Variants in TYW1 observed in about 807,000 individuals in gnomAD.
TYW1 encodes tRNA-yW synthesizing protein 1 homolog.
In TYW1, 46 loss-of-function variants were observed where a neutral mutation model predicts 96.2. The ratio of observed to expected loss-of-function variants is 0.48; its 90% CI spans 0.38 to 0.61. The LOEUF is 0.61. Among genes scored for constraint, TYW1 ranks in the 20% least tolerant of loss-of-function variants. TYW1 has a pLI of 0.00. For missense variants in TYW1, 684 were observed against 909.6 expected, an observed-to-expected ratio of 0.75 and a Z score of 3.19; for synonymous variants, 274 against 323.0, an observed-to-expected ratio of 0.85 and a Z score of 1.63.
intron 13 of TYW1, among the ~76,000 whole-genome samples, chr7:67,165,590 C>T (rs1799293895): frequency 6.6e-6 from 1 of 152,060 alleles, no homozygotes; most frequent in African/African-American, 2.4e-5. Context: ...TAATAACAGA[C>T]ATAATATCAT....
intron 13 of TYW1, among the ~76,000 whole-genome samples, chr7:67,160,171 C>T (rs1031892309): frequency 5.9e-5 from 9 of 152,032 alleles, no homozygotes; most frequent in African/African-American, 1.7e-4. Flanking sequence ...CTGAGGTGGG[C>T]GAATCCCTTG....
intron 13 of TYW1, among the ~76,000 whole-genome samples, chr7:67,155,822 C>T (rs193259624): frequency 4.6e-5 from 7 of 152,096 alleles, no homozygotes; most frequent in Admixed American, 2.0e-4. Context: ...ATATCTTACA[C>T]CTGGTTTAAT....
intron 14 of TYW1, among the ~76,000 whole-genome samples, chr7:67,183,506 A>G (rs1465809152): frequency 1.3e-5 from 2 of 152,188 alleles, no homozygotes; most frequent in Admixed American, 1.3e-4. Context: ...ATTAAAAACC[A>G]TGTAGTGACA....
chr7:67,100,002 CA>C (rs936265638), intron 12 of TYW1, among the ~76,000 whole-genome samples: 113 of 142,902 alleles, frequency 7.9e-4, no homozygotes, highest in African/African-American at 2.0e-3. Flanking sequence ...AACTCTGACT[CA>C]AAAAAAAAAA....
intron 7 of TYW1, among the ~76,000 whole-genome samples, chr7:67,040,537 T>A (rs890094294): frequency 2.0e-5 from 3 of 152,066 alleles, no homozygotes; most frequent in African/African-American, 4.8e-5. Flanking sequence ...TTCTACCAGG[T>A]TAAGCTTTAT....
chr7:67,046,319 G>A (rs890270615), intron 7 of TYW1, among the ~76,000 whole-genome samples: 6 of 152,220 alleles, frequency 3.9e-5, no homozygotes, highest in South Asian at 4.1e-4. Context: ...CTGGTATCAC[G>A]CATTGGGCAC....
At chr7:67,069,575 C>T (rs541736474) in intron 10 of TYW1, among the ~76,000 whole-genome samples, 82 of 152,116 alleles carry the variant, frequency 5.4e-4, no homozygotes, top group Middle Eastern at 3.4e-3. Context: ...CTTGTCTCTA[C>T]GAAACTTGCA....
At chr7:67,051,830 A>C (rs1795370721) in intron 8 of TYW1, among the ~76,000 whole-genome samples, 1 of 150,598 alleles carries the variant, frequency 6.6e-6, no homozygotes. Context: ...GAATTCTTTC[A>C]GCTTTCGTAT....
intron 10 of TYW1, among the ~76,000 whole-genome samples, chr7:67,079,171 G>GTGTGTGTGT (rs1554359509): frequency 2.8e-4 from 42 of 148,902 alleles, no homozygotes; most frequent in South Asian, 4.3e-4. Context: ...TCGTGTGAGA[G>GTGTGTGTGT]GTGTGTGTGT....
rs189952033 is a variant in TYW1 at position 67,145,197 on chromosome 7, G to T, written c.1698+27579G>T. ...CGAGTCTCGCTCTCTCTCCCAGTCTGGAGTGCAGTGGCATGATCTTGGCTC... is the reference window on the plus strand; with the variant it reads ...CGAGTCTCGCTCTCTCTCCCAGTCTTGAGTGCAGTGGCATGATCTTGGCTC... On this transcript the variant is annotated intron_variant, in intron 13 of 15. Coordinates refer to ENST00000359626, the MANE Select transcript of TYW1 (RefSeq NM_018264.4). Among the ~76,000 whole-genome samples, 40 of 128,702 alleles carry T rather than the reference G, an allele frequency of 3.1e-4. 2 individuals carry two copies. The highest frequency in any genetic ancestry group is 6.1e-4 in the Non-Finnish European group (39 of 63,542). The allele number at this position is 128,702 out of a possible 152,430, so 84.4% of individuals were successfully genotyped here.
chr7:67,156,254 G>A (rs1798966560), intron 13 of TYW1, among the ~76,000 whole-genome samples: 1 of 152,236 alleles, frequency 6.6e-6, no homozygotes, highest in African/African-American at 2.4e-5. Flanking sequence ...GTGTGCCATG[G>A]TGCTGGCTCT....
chr7:67,194,344 G>A (rs1459462144), intron 14 of TYW1, among the ~76,000 whole-genome samples: 2 of 150,950 alleles, frequency 1.3e-5, no homozygotes, highest in Non-Finnish European at 2.9e-5. Flanking sequence ...ATAATTTTAG[G>A]CCAGGTGTAG....
At chr7:67,169,278 G>T (rs1372779580) in intron 13 of TYW1, among the ~76,000 whole-genome samples, 1 of 152,052 alleles carries the variant, frequency 6.6e-6, no homozygotes, top group Non-Finnish European at 1.5e-5. Flanking sequence ...GTGGCTTTTA[G>T]TTTATTTACA....
chr7:67,141,130 G>A lies in TYW1; in HGVS notation c.1698+23512G>A, dbSNP rs1456060852. On this transcript the variant is annotated intron_variant, in intron 13 of 15. Coordinates refer to ENST00000359626, the MANE Select transcript of TYW1 (RefSeq NM_018264.4). The stretch of plus-strand genomic sequence containing the variant: ...TTTATCTTTATTCATTTATTTTTCT[G>A]TCTCTCTGACCAGAGAACAGGGCCC... Among the ~76,000 whole-genome samples the A allele has an allele frequency of 2.0e-5, 3 of 152,044 alleles. No individual in the cohort carries two copies. In the South Asian group the frequency reaches 6.2e-4, roughly 32 times the overall value.
At chr7:67,119,299 C>T (rs1797692224) in intron 13 of TYW1, among the ~76,000 whole-genome samples, 1 of 152,030 alleles carries the variant, frequency 6.6e-6, no homozygotes, top group South Asian at 2.1e-4. Flanking sequence ...TGGTATGCAG[C>T]CAGATATGGG....
chr7:67,056,654 T>C (rs1795528010), intron 9 of TYW1, among the ~76,000 whole-genome samples: 1 of 152,194 alleles, frequency 6.6e-6, no homozygotes, highest in African/African-American at 2.4e-5. Context: ...AGTATGCCAT[T>C]GTATGAATAT....
intron 11 of TYW1, among the ~76,000 whole-genome samples, chr7:67,088,352 A>G (rs1796612326): frequency 6.6e-6 from 1 of 151,624 alleles, no homozygotes; most frequent in Non-Finnish European, 1.5e-5. Context: ...TGATAATAGA[A>G]AAGAAAAAAA....
At chr7:67,088,915 C>T (rs1482561644) in intron 11 of TYW1, among the ~76,000 whole-genome samples, 1 of 152,094 alleles carries the variant, frequency 6.6e-6, no homozygotes, top group Admixed American at 6.6e-5. Flanking sequence ...ATACAAATTT[C>T]AGGCTTAAAC....
intron 13 of TYW1, among the ~76,000 whole-genome samples, chr7:67,175,923 A>G (rs570332812): frequency 6.6e-6 from 1 of 152,356 alleles, no homozygotes; most frequent in South Asian, 2.1e-4. Context: ...TAGTGCTAAA[A>G]GACAAGAAAA....
Sources: gnomAD v4.1 joint callset for allele counts (sites outside exome capture counted in the v4.1 genomes callset) on GRCh38, gnomAD v4.1.1 for gene constraint, MANE v1.5 for transcripts, NCBI Gene and HGNC (gene_info 2026-07-23, HGNC 2026-07-21) for gene names.